Variants in SLC25A13 observed in about 807,000 individuals in gnomAD.
The protein encoded by SLC25A13 is electrogenic aspartate/glutamate antiporter SLC25A13, mitochondrial.
SLC25A13 carries 70 observed loss-of-function variants against 85.5 expected under a neutral mutation model. The ratio of observed to expected loss-of-function variants is 0.82; its 90% CI spans 0.68 to 1.00. The LOEUF is 1.00. Ranked by LOEUF, SLC25A13 falls within the 50% of genes least tolerant of loss-of-function variation. The pLI is 0.00. For synonymous variants in SLC25A13, 259 were observed against 288.7 expected (o/e 0.90, Z 1.04); for missense variants, 765 against 819.8 (o/e 0.93, Z 0.82).
At chr7:96,210,785 C>T (rs1221104741) in intron 4 of SLC25A13, among the ~76,000 whole-genome samples, 2 of 152,082 alleles carry the variant, frequency 1.3e-5, no homozygotes, top group African/African-American at 4.8e-5. Context: ...AAAAAAAATT[C>T]ACACTGTAAA....
chr7:96,209,637 T>C (rs1795614612), intron 4 of SLC25A13, among the ~76,000 whole-genome samples: 2 of 152,166 alleles, frequency 1.3e-5, no homozygotes, highest in Admixed American at 1.3e-4. Context: ...ATTGTTCAAA[T>C]AATCCCATTT....
chr7:96,182,925 TC>T (rs1794474713), intron 11 of SLC25A13, among the ~76,000 whole-genome samples: 1 of 152,168 alleles, frequency 6.6e-6, no homozygotes, highest in East Asian at 1.9e-4. Context: ...AGATTTCCCT[TC>T]CAAAAACCAC....
chr7:96,200,577 G>A (rs924835578), intron 5 of SLC25A13, among the ~76,000 whole-genome samples: 1 of 151,474 alleles, frequency 6.6e-6, no homozygotes, highest in African/African-American at 2.4e-5. Context: ...GTCAGTGTCA[G>A]AGTTGAGGGT....
intron 11 of SLC25A13, among the ~76,000 whole-genome samples, chr7:96,181,829 A>G (rs1396219078): frequency 6.6e-6 from 1 of 152,228 alleles, no homozygotes; most frequent in Non-Finnish European, 1.5e-5. Flanking sequence ...CATTAATAGC[A>G]GCAATACTAT....
intron 4 of SLC25A13, among the ~76,000 whole-genome samples, chr7:96,214,402 T>C (rs1795809274): frequency 6.6e-6 from 1 of 152,216 alleles, no homozygotes; most frequent in African/African-American, 2.4e-5. Flanking sequence ...TATTGCTATA[T>C]ATTTGAAATA....
At chr7:96,244,974 A>G (rs1418489829) in intron 3 of SLC25A13, among the ~76,000 whole-genome samples, 1 of 152,062 alleles carries the variant, frequency 6.6e-6, no homozygotes, top group Non-Finnish European at 1.5e-5. Context: ...ATATATATAT[A>G]GGCTCTCGTA....
intron 1 of SLC25A13, among the ~76,000 whole-genome samples, chr7:96,303,127 G>A (rs952404982): frequency 2.6e-5 from 4 of 152,044 alleles, no homozygotes; most frequent in African/African-American, 7.2e-5. Flanking sequence ...GAACAACTGC[G>A]TTAGGACCCG....
intron 2 of SLC25A13, among the ~76,000 whole-genome samples, chr7:96,279,503 G>C (rs1798587093): frequency 6.6e-6 from 1 of 152,176 alleles, no homozygotes; most frequent in Non-Finnish European, 1.5e-5. Context: ...GTAGGCAAGA[G>C]AGCTTGTGCA....
chr7:96,317,790 A>T (rs1016637526), intron 1 of SLC25A13, among the ~76,000 whole-genome samples: 16 of 141,778 alleles, frequency 1.1e-4, no homozygotes, highest in African/African-American at 3.8e-4. Context: ...TTATTTTATT[A>T]TTTTATTTTA....
At chr7:96,178,037 C>T (rs774716430) in intron 11 of SLC25A13, among the ~76,000 whole-genome samples, 1 of 152,172 alleles carries the variant, frequency 6.6e-6, no homozygotes, top group Non-Finnish European at 1.5e-5. Flanking sequence ...TTGTACACAA[C>T]AAAGGGATGG....
rs972316182 is a variant in SLC25A13 at position 96,208,178 on chromosome 7, C to T, written c.468+660G>A. Among the ~76,000 whole-genome samples, 7 of 152,234 alleles carry T rather than the reference C, an allele frequency of 4.6e-5. No individual in the cohort carries two copies. In the East Asian group the frequency reaches 5.8e-4, roughly 13 times the overall value. On this transcript the variant is annotated intron_variant, in intron 5 of 17. Coordinates refer to ENST00000265631, the MANE Select transcript of SLC25A13 (RefSeq NM_014251.3). ...AAAATATTGGTAAGTAGTAACACAG[C>T]GAGTCACAAGCCAAAATTTTAAGTT...
chr7:96,163,307 C>A lies in SLC25A13; in HGVS notation c.1311+6738G>T, dbSNP rs191316174. Among the ~76,000 whole-genome samples the A allele has an allele frequency of 2.0e-4, 30 of 152,248 alleles. 1 individual carries two copies. The highest frequency in any genetic ancestry group is 3.4e-3 in the Middle Eastern group (1 of 294). ...ATTGTCAATGTTTGAAAAGACCAAG[C>A]TACACAGAGAAGTCAAGCAGGTGCT... On this transcript the variant is annotated intron_variant, in intron 13 of 17. Transcript: ENST00000265631.
At chr7:96,149,572 A>G (rs1316542154) in intron 13 of SLC25A13, among the ~76,000 whole-genome samples, 3 of 152,260 alleles carry the variant, frequency 2.0e-5, no homozygotes, top group Non-Finnish European at 4.4e-5. Flanking sequence ...AGTGATATCA[A>G]GAAAACATAA....
intron 3 of SLC25A13, among the ~76,000 whole-genome samples, chr7:96,245,651 C>T (rs1164146387): frequency 6.6e-6 from 1 of 151,900 alleles, no homozygotes; most frequent in East Asian, 1.9e-4. Flanking sequence ...ATTTTAATTA[C>T]ATCATGGATA....
chr7:96,272,213 T>C (rs1798266687), intron 3 of SLC25A13, among the ~76,000 whole-genome samples: 1 of 152,122 alleles, frequency 6.6e-6, no homozygotes, highest in Non-Finnish European at 1.5e-5. Flanking sequence ...TTTTTAAACA[T>C]TTTTGCTCTT....
chr7:96,297,179 T>G (rs915015586), intron 1 of SLC25A13, among the ~76,000 whole-genome samples: 4 of 152,178 alleles, frequency 2.6e-5, no homozygotes, highest in Admixed American at 2.6e-4. Context: ...TAGCAAAATC[T>G]CTTAATATCT....
intron 3 of SLC25A13, among the ~76,000 whole-genome samples, chr7:96,244,236 G>A (rs1336890744): frequency 6.6e-6 from 1 of 152,192 alleles, no homozygotes; most frequent in Non-Finnish European, 1.5e-5. Flanking sequence ...CAGGGGCTAT[G>A]GCAGTCACAG....
chr7:96,306,668 T>A, intron 1 of SLC25A13: 1 of 715,614 alleles, frequency 1.4e-6, no homozygotes, highest in South Asian at 2.0e-5. Flanking sequence ...TTCCTCTTCT[T>A]CTCCTAGGAT....
chr7:96,184,630 A>G, intron 10 of SLC25A13, 195 bp from the exon 11 acceptor site: 1 of 650,662 alleles, frequency 1.5e-6, no homozygotes, highest in Non-Finnish European at 2.6e-6. Context: ...CCCTAATAAA[A>G]GGATGTCATA....
Sources: allele counts gnomAD v4.1 joint callset (sites outside exome capture counted in the v4.1 genomes callset), GRCh38; gene constraint gnomAD v4.1.1; transcripts MANE v1.5; gene names NCBI Gene and HGNC (gene_info 2026-07-23, HGNC 2026-07-21).